Variants in NAPA observed in about 807,000 individuals in gnomAD.
NAPA encodes NSF attachment protein alpha.
NAPA carries 18 observed loss-of-function variants against 48.0 expected under a neutral mutation model. The observed-to-expected ratio is 0.38, with a 90% CI of 0.26 to 0.56. The LOEUF is 0.56. Among genes scored for constraint, NAPA ranks in the 20% least tolerant of loss-of-function variants. The pLI, the probability that NAPA is intolerant of heterozygous loss-of-function variation, is 0.77. For missense variants in NAPA, 315 were observed against 385.0 expected (o/e 0.82, Z 1.52); for synonymous variants, 152 against 149.9 (o/e 1.01, Z -0.10).
intron 7 of NAPA, chr19:47,492,644 T>C (rs1473259279): frequency 4.1e-5 from 20 of 487,396 alleles, no homozygotes; most frequent in Non-Finnish European, 7.0e-5. Context: ...CCTGGGCCTC[T>C]TGGCACTTCT....
chr19:47,495,298 A>T lies in NAPA; in HGVS notation c.342+252T>A, dbSNP rs1470743366. 3 of 559,822 alleles carry T rather than the reference A, an allele frequency of 5.4e-6. No homozygotes were observed. In the Admixed American group the frequency reaches 9.3e-5, roughly 17 times the overall value. The allele number at this position is 559,822 out of a possible 1,614,324, so 34.7% of individuals were successfully genotyped here. A position where few individuals can be genotyped will look rare whatever the true frequency, so the allele number is the denominator to read the frequency against. ...CATGAGCCACCCTGCCCAGCTCAAT[A>T]ACCTAAGTTCTATGAATGAAAACCA... On this transcript the variant is annotated intron_variant, in intron 4 of 10. Transcript: ENST00000263354.
chr19:47,514,933 T>C lies in NAPA; in HGVS notation c.8A>G (p.Asn3Ser). The C allele has an allele frequency of 3.7e-6, 6 of 1,613,840 alleles. No individual in the cohort carries two copies. The highest frequency in any genetic ancestry group is 5.1e-6 in the Non-Finnish European group (6 of 1,179,956). The change falls in exon 1 of 11, where the codon AAT (asparagine) becomes AGT (serine). Residue 3 changes from asparagine to serine, a missense_variant. Coordinates refer to ENST00000263354, the MANE Select transcript of NAPA (RefSeq NM_003827.4). Reference sequence around the variant, plus strand: ...CATCGCCTCCGCTTCCTTCCCGGAATTGTCCATGGCGGCCACAAAGGGACT... The same window carrying C: ...CATCGCCTCCGCTTCCTTCCCGGAACTGTCCATGGCGGCCACAAAGGGACT... MD[N>S]SGKEAEAMAL...
chr19:47,491,840 G>A (rs1968274269), intron 8 of NAPA, among the ~76,000 whole-genome samples, 175 bp downstream of exon 8: 1 of 152,164 alleles, frequency 6.6e-6, no homozygotes. Context: ...TGGGTGGGCA[G>A]GTGATGCCAG....
At position 47,492,029 on chromosome 19, in the gene NAPA, T is replaced by C. The variant is rs1230287004; in HGVS notation, c.652A>G (p.Met218Val). 5.6e-6 allele frequency: 9 copies of C among 1,614,044 alleles called. No individual in the cohort carries two copies. Among genetic ancestry groups the C allele is most frequent in the South Asian group, 4.4e-5 (4 of 91,078 alleles). ...GGGTGTGCTACCTTGGCGTTGAGCA[T>C]GTCGATGCAGAAGTGGCAGAGGGCC... ...KAALCHFCID[M>V]LNAKLAVQKY... Residue 218 changes from methionine to valine, a missense_variant, in exon 8 of 11, where the codon ATG (methionine) becomes GTG (valine). Around this residue, in one of 3 missense-constraint regions of NAPA, gnomAD observed 137 missense variants for 150.1 expected, o/e 0.91. Transcript: ENST00000263354.
chr19:47,497,384 GAC>G (rs1968456824), intron 3 of NAPA: 1 of 152,610 alleles, frequency 6.6e-6, no homozygotes, highest in African/African-American at 2.4e-5. Context: ...GCAGCAGGGA[GAC>G]AGCTTACCCC....
At chr19:47,509,463 C>T (rs1968763883) in intron 1 of NAPA, among the ~76,000 whole-genome samples, 1 of 152,210 alleles carries the variant, frequency 6.6e-6, no homozygotes, top group Admixed American at 6.5e-5. Context: ...AGGCATAAGA[C>T]TCCACACCTT....
At chr19:47,491,016 C>A (rs1015029440) in intron 8 of NAPA, 160 bp from the exon 9 acceptor site, 6 of 588,238 alleles carry the variant, frequency 1.0e-5, no homozygotes, top group Non-Finnish European at 1.8e-5. Flanking sequence ...TCTGTCAGTA[C>A]CTTCCCGTAG....
chr19:47,492,133 G>T lies in NAPA; in HGVS notation c.562-14C>A. On this transcript the variant is annotated splice_polypyrimidine_tract_variant and intron_variant, in intron 7 of 10. Coordinates refer to ENST00000263354, the MANE Select transcript of NAPA (RefSeq NM_003827.4). Reference sequence around the variant, plus strand: ...ATTGGTCCCCACCTGTAGCCATGGAGAAGTGGCACTGGTGAGCTCAGGGCA... The same window carrying T: ...ATTGGTCCCCACCTGTAGCCATGGATAAGTGGCACTGGTGAGCTCAGGGCA... The T allele has an allele frequency of 6.2e-7, 1 of 1,609,946 alleles. No homozygotes were observed. Among genetic ancestry groups the T allele is most frequent in the Non-Finnish European group, 8.5e-7 (1 of 1,176,726 alleles).
Position 47,489,690 on chromosome 19 carries a change from C to T in NAPA, c.786+21G>A, listed in dbSNP as rs1024429093. 5.0e-6 allele frequency: 8 copies of T among 1,613,488 alleles called. No homozygotes were observed. In the Admixed American group the frequency reaches 5.0e-5, roughly 10 times the overall value. The stretch of plus-strand genomic sequence containing the variant: ...GACCCATCCCCGTGAAGGGGCCTGG[C>T]CCCCCATGCTGGCCACTCACCGACT... On this transcript the variant is annotated intron_variant, in intron 10 of 10. Coordinates refer to ENST00000263354, the MANE Select transcript of NAPA (RefSeq NM_003827.4).
At chr19:47,491,783 A>G (rs2025401807) in intron 8 of NAPA, among the ~76,000 whole-genome samples, 1 of 152,226 alleles carries the variant, frequency 6.6e-6, no homozygotes. Flanking sequence ...CATGAAGGAA[A>G]GAGCACTAAG....
chr19:47,502,237 CAAAAAAAAAAAAA>C (rs55762206), intron 2 of NAPA, among the ~76,000 whole-genome samples: 18 of 62,464 alleles, frequency 2.9e-4, no homozygotes, highest in East Asian at 1.7e-3. Flanking sequence ...AAGACTGTCT[CAAAAAAAAAAAAA>C]AAAAAAAAAA....
rs149827905 is a variant in NAPA at position 47,490,791 on chromosome 19, C to G, written c.732G>C (p.Met244Ile). The change falls in exon 9 of 11, where the codon ATG becomes ATC. Residue 244 changes from methionine (M) to isoleucine (I), a missense_variant. By Grantham distance (10) the Met-to-Ile change is conservative. Around this residue, in one of 3 missense-constraint regions of NAPA, gnomAD observed 137 missense variants for 150.1 expected, o/e 0.91. Transcript: ENST00000263354. ...AFSDSRECKL[M>I]KKLLEAHEEQ... is the part of the protein sequence containing the mutation. ...GGCCGGAGCACCCAGCACTTACTTTCATCAACTTGCATTCCCGGGAATCAG... is the reference window on the plus strand; with the variant it reads ...GGCCGGAGCACCCAGCACTTACTTTGATCAACTTGCATTCCCGGGAATCAG... 509 of 1,613,550 alleles carry G rather than the reference C, an allele frequency of 3.2e-4. 1 individual carries two copies. In the African/African-American group the frequency reaches 6.1e-3, roughly 19 times the overall value.
At chr19:47,511,113 C>T (rs974823768) in intron 1 of NAPA, among the ~76,000 whole-genome samples, 1 of 152,224 alleles carries the variant, frequency 6.6e-6, no homozygotes, top group African/African-American at 2.4e-5. Flanking sequence ...ATGTGGGATG[C>T]TGTCATTGCT....
chr19:47,503,367 T>A lies in NAPA; in HGVS notation c.178+56A>T, dbSNP rs368985706. 6 of 1,515,126 alleles carry A rather than the reference T, an allele frequency of 4.0e-6. No homozygotes were observed. In the Admixed American group the frequency reaches 1.0e-4, roughly 25 times the overall value. 93.9% of individuals were successfully genotyped at this position (1,515,126 alleles called of 1,614,324 possible). A position where few individuals can be genotyped will look rare whatever the true frequency, so the allele number is the denominator to read the frequency against. On this transcript the variant is annotated intron_variant, in intron 2 of 10. Transcript: ENST00000263354. ...AACCTCTCGGGCAGGCCTGTGTGAG[T>A]GGAAGCTGAGGGAGGAGGAGAGCAC...
In NAPA at chr19:47,493,115, C is replaced by G. The variant is rs765072315; in HGVS notation, c.476+4G>C. ...GGGGCTGGGGCAGGCAGGAAGGGGG[C>G]TACCTGTTGGACTCCTCGCCTTTGT... On this transcript the variant is annotated splice_donor_region_variant and intron_variant, in intron 6 of 10. Transcript: ENST00000263354. The surrounding 1 kb of genome is among the most constrained non-coding windows in gnomAD (Gnocchi z 6.4). 3.1e-6 allele frequency: 5 copies of G among 1,613,492 alleles called. No homozygotes were observed. Among genetic ancestry groups the G allele is most frequent in the Non-Finnish European group, 4.2e-6 (5 of 1,179,744 alleles).
At chr19:47,514,782 G>C in intron 1 of NAPA, 61 bp downstream of exon 1, 2 of 1,527,146 alleles carry the variant, frequency 1.3e-6, no homozygotes, top group African/African-American at 1.4e-5. Flanking sequence ...CGCCACCTCC[G>C]AGCGTGACTC....
At chr19:47,490,151 C>T (rs1055196876) in intron 9 of NAPA, among the ~76,000 whole-genome samples, 6 of 119,900 alleles carry the variant, frequency 5.0e-5, no homozygotes, top group South Asian at 2.8e-4. Context: ...GTGGTGTGTT[C>T]GGTGTGTGTG....
At position 47,494,735 on chromosome 19, in the gene NAPA, CAAAAAA is replaced by C. The variant is rs11462456; in HGVS notation, c.342+809_342+814del. 1.8e-3 allele frequency among the ~76,000 whole-genome samples: 122 copies of C among 67,212 alleles called. 3 individuals are homozygous for C. In the South Asian group the frequency reaches 0.045, roughly 25 times the overall value. The allele number at this position is 67,212 out of a possible 152,430, so 44.1% of individuals were successfully genotyped here. ...CCTAGATGAGAGAGAAACTCTGTCTCAAAAAAAAAAAAAAAAAAAAAAAGAGAGAGA... is the reference window on the plus strand; with the variant it reads ...CCTAGATGAGAGAGAAACTCTGTCTCAAAAAAAAAAAAAAAAAGAGAGAGA... On this transcript the variant is annotated intron_variant, in intron 4 of 10. Coordinates refer to ENST00000263354, the MANE Select transcript of NAPA (RefSeq NM_003827.4).
At position 47,488,405 on chromosome 19, in the gene NAPA, G is replaced by T. The variant is rs1350270044; in HGVS notation, c.787-16C>A. 1 of 1,598,272 alleles carries T rather than the reference G, an allele frequency of 6.3e-7. No homozygotes were observed. Among genetic ancestry groups the T allele is most frequent in the Non-Finnish European group, 8.6e-7 (1 of 1,166,938 alleles). ...ATTCCTTCACCTGAGGGCACACCAG[G>T]TGATAGGCTGGCCATGCTCCCCCCG... is the stretch of plus-strand genomic sequence containing the variant. On this transcript the variant is annotated splice_polypyrimidine_tract_variant and intron_variant, in intron 10 of 10. Transcript: ENST00000263354.
Sources: allele counts gnomAD v4.1 joint callset (sites outside exome capture counted in the v4.1 genomes callset), GRCh38; gene constraint gnomAD v4.1.1; regional missense constraint gnomAD v4.1.1; non-coding constraint Gnocchi (gnomAD v3.1); transcripts MANE v1.5; gene names NCBI Gene and HGNC (gene_info 2026-07-23, HGNC 2026-07-21).